The following DLGAP2 variants were observed in gnomAD, a reference collection of about 807,000 sequenced individuals.
DLGAP2 encodes disks large-associated protein 2.
In DLGAP2, 26 loss-of-function variants were observed where a neutral mutation model predicts 100.3. The observed-to-expected ratio is 0.26, with a 90% CI of 0.19 to 0.36. The LOEUF is 0.36. DLGAP2 is among the 10% of genes least tolerant of loss of function. The pLI is 1.00. For missense variants in DLGAP2, 1,858 were observed against 1,453.2 expected, an observed-to-expected ratio of 1.28 and a Z score of -4.53; for synonymous variants, 886 against 630.1, an observed-to-expected ratio of 1.41 and a Z score of -6.08.
At chr8:1,026,188 C>G (rs543463398) in intron 2 of DLGAP2, among the ~76,000 whole-genome samples, 1 of 152,286 alleles carries the variant, frequency 6.6e-6, no homozygotes, top group African/African-American at 2.4e-5. Context: ...TCACCTCATC[C>G]AGGACGTGCC....
intron 2 of DLGAP2, among the ~76,000 whole-genome samples, chr8:915,852 C>G (rs1798581766): frequency 6.7e-6 from 1 of 149,234 alleles, no homozygotes. Context: ...GTCCGTCCAT[C>G]AGTTCACCCG....
At position 1,004,322 on chromosome 8, in the gene DLGAP2, C is replaced by G. The variant is rs74774694; in HGVS notation, c.73+96356C>G. The stretch of plus-strand genomic sequence containing the variant: ...CCCAAGCAGCTTAACCAGCATTTGG[C>G]CACTTTAATTTTGTCTTTTATCTTC... On this transcript the variant is annotated intron_variant, in intron 2 of 14. Coordinates refer to ENST00000637795, the MANE Select transcript of DLGAP2 (RefSeq NM_001346810.2). Among the ~76,000 whole-genome samples, 1,310 of 152,302 alleles carry G rather than the reference C, an allele frequency of 8.6e-3. 8 individuals are homozygous for G. The highest frequency in any genetic ancestry group is 0.012 in the Non-Finnish European group (818 of 68,030).
chr8:1,683,834 C>CTATACATATATGTATATATATA (rs1799023629), intron 12 of DLGAP2, among the ~76,000 whole-genome samples: 1 of 56,248 alleles, frequency 1.8e-5, no homozygotes, highest in African/African-American at 9.5e-5. Flanking sequence ...CTTTGCTCCA[C>CTATACATATATGTATATATATA]TATATATATA....
chr8:972,023 G>T (rs972200174), intron 2 of DLGAP2, among the ~76,000 whole-genome samples: 5 of 152,104 alleles, frequency 3.3e-5, no homozygotes, highest in Non-Finnish European at 5.9e-5. Context: ...GAGCTGAAAG[G>T]GGTCATTGCT....
chr8:1,162,623 C>G (rs1796913641), intron 2 of DLGAP2, among the ~76,000 whole-genome samples: 1 of 152,190 alleles, frequency 6.6e-6, no homozygotes, highest in Non-Finnish European at 1.5e-5. Context: ...GCTTGAAGTT[C>G]CATCTTAGGG....
chr8:1,037,640 G>C (rs1249646124), intron 2 of DLGAP2, among the ~76,000 whole-genome samples: 1 of 152,238 alleles, frequency 6.6e-6, no homozygotes, highest in Non-Finnish European at 1.5e-5. Context: ...TGCTGACACA[G>C]TGTTTAGTGA....
At chr8:1,067,266 G>A (rs1025857134) in intron 2 of DLGAP2, among the ~76,000 whole-genome samples, 1 of 152,224 alleles carries the variant, frequency 6.6e-6, no homozygotes, top group African/African-American at 2.4e-5. Flanking sequence ...AGGAGAGACT[G>A]AGAAGGCTGA....
intron 2 of DLGAP2, among the ~76,000 whole-genome samples, chr8:979,449 C>G (rs1053946933): frequency 6.6e-6 from 1 of 152,230 alleles, no homozygotes; most frequent in African/African-American, 2.4e-5. Flanking sequence ...ACACAGTGAT[C>G]TTGTTCCCAG....
chr8:1,033,402 C>T (rs1802028805), intron 2 of DLGAP2, among the ~76,000 whole-genome samples: 1 of 152,130 alleles, frequency 6.6e-6, no homozygotes, highest in African/African-American at 2.4e-5. Context: ...GGTGGTGGCT[C>T]ACACCTGTAA....
intron 1 of DLGAP2, chr8:891,375 G>A (rs1011554727): frequency 1.3e-5 from 2 of 152,534 alleles, no homozygotes; most frequent in African/African-American, 4.8e-5. Context: ...AGGCTGTGGA[G>A]AATGTGAGTG....
At chr8:1,245,830 C>T (rs1416679334) in intron 2 of DLGAP2, among the ~76,000 whole-genome samples, 2 of 152,186 alleles carry the variant, frequency 1.3e-5, no homozygotes, top group Non-Finnish European at 2.9e-5. Flanking sequence ...ATACTTTGTG[C>T]ACAGTGGCAC....
chr8:1,517,297 G>T (rs1321992434), intron 4 of DLGAP2, among the ~76,000 whole-genome samples: 2 of 152,172 alleles, frequency 1.3e-5, no homozygotes, highest in Non-Finnish European at 2.9e-5. Context: ...TGAAGAGTTA[G>T]ACCTGGAGTG....
chr8:1,664,059 A>G (rs1232731334), intron 8 of DLGAP2, among the ~76,000 whole-genome samples: 1 of 152,174 alleles, frequency 6.6e-6, no homozygotes, highest in Non-Finnish European at 1.5e-5. Flanking sequence ...CAACTGATCC[A>G]CTGATACCAA....
At chr8:1,180,453 C>T (rs1483679861) in intron 2 of DLGAP2, among the ~76,000 whole-genome samples, 4 of 152,220 alleles carry the variant, frequency 2.6e-5, no homozygotes, top group African/African-American at 7.2e-5. Flanking sequence ...GCTTCAGGCC[C>T]GTGTGCCTGG....
rs184259023 is a variant in DLGAP2, at chr8:1,432,627, A to G, written c.107-68739A>G. 2.6e-4 allele frequency among the ~76,000 whole-genome samples: 40 copies of G among 152,326 alleles called. 1 individual carries two copies. The highest frequency in any genetic ancestry group is 8.4e-4 in the African/African-American group (35 of 41,570). Reference sequence around the variant, plus strand: ...AGTCAAGGCCTTTTAAGTTAATTGTAAAAACACATTTGACATTTTCATATT... The same window carrying G: ...AGTCAAGGCCTTTTAAGTTAATTGTGAAAACACATTTGACATTTTCATATT... On this transcript the variant is annotated intron_variant, in intron 3 of 14. Coordinates refer to ENST00000637795, the MANE Select transcript of DLGAP2 (RefSeq NM_001346810.2).
At chr8:988,060 A>G (rs1468716937) in intron 2 of DLGAP2, among the ~76,000 whole-genome samples, 1 of 152,156 alleles carries the variant, frequency 6.6e-6, no homozygotes, top group Non-Finnish European at 1.5e-5. Flanking sequence ...GAAACTGTCT[A>G]AAGGGGCCTA....
intron 3 of DLGAP2, among the ~76,000 whole-genome samples, chr8:1,315,269 G>C (rs1423838058): frequency 1.3e-5 from 2 of 151,652 alleles, no homozygotes; most frequent in African/African-American, 4.8e-5. Context: ...GAGAAACTCG[G>C]CAGCGTTTAA....
intron 6 of DLGAP2, among the ~76,000 whole-genome samples, chr8:1,567,963 A>G (rs974890949): frequency 3.9e-5 from 6 of 152,196 alleles, no homozygotes; most frequent in Non-Finnish European, 7.3e-5. Flanking sequence ...TGTGCTGCCT[A>G]CGTTACTCCT....
intron 3 of DLGAP2, among the ~76,000 whole-genome samples, chr8:1,352,360 C>T (rs906322113): frequency 7.9e-5 from 12 of 151,962 alleles, no homozygotes; most frequent in Non-Finnish European, 1.5e-4. Context: ...CTGTCCCCAG[C>T]GACTCCCCCT....
Sources: gnomAD v4.1 joint callset for allele counts (sites outside exome capture counted in the v4.1 genomes callset) on GRCh38, gnomAD v4.1.1 for gene constraint, MANE v1.5 for transcripts, NCBI Gene and HGNC (gene_info 2026-07-23, HGNC 2026-07-21) for gene names.